Variants in GRIPAP1 observed in about 807,000 individuals in gnomAD.
GRIPAP1 encodes GRIP1 associated protein 1, also known as GRIP1-associated protein 1.
Under a neutral mutation model 84.1 loss-of-function variants are expected in GRIPAP1, and 14 were observed. The observed-to-expected ratio is 0.17, with a 90% confidence interval of 0.11 to 0.26. The LOEUF is 0.26. GRIPAP1 is among the 10% of genes least tolerant of loss of function. The pLI is 1.00. For synonymous variants in GRIPAP1, 261 were observed against 256.8 expected (o/e 1.02, Z -0.15); for missense variants, 518 against 674.2 (o/e 0.77, Z 2.57).
Position 48,999,318 on chromosome X carries a change from G to A in GRIPAP1, c.110-19C>T, listed in dbSNP as rs1316530199. The A allele has an allele frequency of 1.7e-6, 2 of 1,193,914 alleles. No individual in the cohort carries two copies. Among genetic ancestry groups the A allele is most frequent in the East Asian group, 5.9e-5 (2 of 33,780 alleles). On this transcript the variant is annotated intron_variant, in intron 2 of 25. Coordinates refer to ENST00000376423, the MANE Select transcript of GRIPAP1 (RefSeq NM_020137.5). ...GTGAGTTCTGGTGTCGGGAAAGCAG[G>A]GAAACTCAGCCTCAGCCAGTGGCAA...
intron 19 of GRIPAP1, 45 bp downstream of exon 19, chrX:48,981,551 G>A (rs1379818030): frequency 2.6e-6 from 3 of 1,161,947 alleles, no homozygotes; most frequent in African/African-American, 1.8e-5. Context: ...CCTCCTGTAC[G>A]CTGAGGATCA....
At position 48,979,319 on chromosome X, in the gene GRIPAP1, T is replaced by C. The variant is rs782735955; in HGVS notation, c.1931-884A>G. Among the ~76,000 whole-genome samples the C allele has an allele frequency of 2.7e-3, 288 of 104,973 alleles. 2 individuals carry two copies. The highest frequency in any genetic ancestry group is 6.7e-3 in the South Asian group (15 of 2,230). 91.2% of individuals were successfully genotyped at this position (104,973 alleles called of 115,157 possible). ...GGTGAAACCCCGTCTCTACTAAAAA[T>C]ACAAAAAATTAGGTGGGCGTGGTGG... On this transcript the variant is annotated intron_variant, in intron 21 of 25. Coordinates refer to ENST00000376423, the MANE Select transcript of GRIPAP1 (RefSeq NM_020137.5).
At chrX:48,985,247 G>A in intron 14 of GRIPAP1, 21 bp downstream of exon 14, 1 of 1,199,115 alleles carries the variant, frequency 8.3e-7, no homozygotes, top group South Asian at 1.8e-5. Flanking sequence ...GGAAGAGACA[G>A]GCCAGAGCCA....
intron 3 of GRIPAP1, among the ~76,000 whole-genome samples, chrX:48,998,464 G>A (rs2064559538): frequency 8.9e-6 from 1 of 111,806 alleles, no homozygotes; most frequent in African/African-American, 3.2e-5. Flanking sequence ...GACAGGGGAG[G>A]TAGGGAGATG....
chrX:48,982,385 T>A (rs782187183), intron 17 of GRIPAP1, among the ~76,000 whole-genome samples: 1 of 112,117 alleles, frequency 8.9e-6, no homozygotes, highest in African/African-American at 3.2e-5. Context: ...GCAACAAAGG[T>A]TCTTTTTCCG....
At chrX:48,988,884 A>G (rs1319214378) in intron 11 of GRIPAP1, among the ~76,000 whole-genome samples, 1 of 110,596 alleles carries the variant, frequency 9.0e-6, no homozygotes, top group African/African-American at 3.3e-5. Flanking sequence ...CAGAACCACA[A>G]GCCACCATAT....
Position 48,989,658 on chromosome X carries a change from A to G in GRIPAP1, c.823T>C (p.Leu275=), listed in dbSNP as rs782197996. The G allele has an allele frequency of 3.3e-6, 4 of 1,208,154 alleles. No homozygotes were observed. The highest frequency in any genetic ancestry group is 4.5e-6 in the Non-Finnish European group (4 of 892,207). Residue 275 remains leucine, a synonymous_variant, in exon 11 of 26, where the codon TTG becomes CTG. Transcript: ENST00000376423. ...QRKEADHKAQ[L]ARTQKLQQEL... ...TGCTGCAGCTTCTGGGTTCGAGCCAACTGGGCTTTGTGATCAGCTTCCTTC... is the reference window on the plus strand; with the variant it reads ...TGCTGCAGCTTCTGGGTTCGAGCCAGCTGGGCTTTGTGATCAGCTTCCTTC...
Position 48,993,423 on chromosome X carries a change from T to C in GRIPAP1, c.457+5A>G. Reference sequence around the variant, plus strand: ...CTCCGCATCCCCAGGAGGGCCTCTATGCACCTGCCACGTTCTTCTGCAAGG... The same window carrying C: ...CTCCGCATCCCCAGGAGGGCCTCTACGCACCTGCCACGTTCTTCTGCAAGG... On this transcript the variant is annotated splice_donor_5th_base_variant and intron_variant, in intron 6 of 25. Transcript: ENST00000376423. 8.8e-7 allele frequency: 1 copy of C among 1,136,736 alleles called. No homozygotes were observed. Among genetic ancestry groups the C allele is most frequent in the Non-Finnish European group, 1.2e-6 (1 of 858,105 alleles). 93.7% of individuals were successfully genotyped at this position (1,136,736 alleles called of 1,213,427 possible).
intron 6 of GRIPAP1, among the ~76,000 whole-genome samples, chrX:48,992,750 C>A (rs781961721): frequency 8.9e-6 from 1 of 112,127 alleles, no homozygotes; most frequent in African/African-American, 3.2e-5. Flanking sequence ...TTTCAGCTTT[C>A]ATCCCAGACC....
chrX:48,975,018 G>A (rs1039591641), intron 25 of GRIPAP1, 137 bp downstream of exon 25: 14 of 474,311 alleles, frequency 3.0e-5, no homozygotes, highest in Non-Finnish European at 3.5e-5. Flanking sequence ...TGGAGTAGTT[G>A]ATGAGTGGGT....
intron 21 of GRIPAP1, among the ~76,000 whole-genome samples, chrX:48,978,895 C>CAA (rs57629559): frequency 3.9e-4 from 28 of 71,386 alleles, no homozygotes; most frequent in African/African-American, 1.5e-3. Flanking sequence ...ACTCTTGTCT[C>CAA]AAAAAAAAAA....
At chrX:48,999,667 C>A (rs1392063561) in intron 1 of GRIPAP1, among the ~76,000 whole-genome samples, 163 bp from the exon 2 acceptor site, 3 of 110,857 alleles carry the variant, frequency 2.7e-5, no homozygotes, top group African/African-American at 6.6e-5. Context: ...ACCTTCCAGG[C>A]CCTCAGACCC....
chrX:48,989,560 C>A (rs1557064839), intron 11 of GRIPAP1, 51 bp downstream of exon 11: 3 of 817,938 alleles, frequency 3.7e-6, no homozygotes, highest in Admixed American at 2.3e-5. Context: ...CCTCTCCAGG[C>A]TCCCAGTCCT....
chrX:48,991,167 A>G, intron 6 of GRIPAP1, 57 bp from the exon 7 acceptor site: 1 of 865,082 alleles, frequency 1.2e-6, no homozygotes, highest in Non-Finnish European at 1.7e-6. Flanking sequence ...GTCCCTTGCC[A>G]TGCCTCGAAT....
chrX:48,984,576 G>A (rs1215970012), intron 14 of GRIPAP1, among the ~76,000 whole-genome samples: 6 of 108,183 alleles, frequency 5.5e-5, no homozygotes, highest in East Asian at 2.9e-4. Context: ...TTAGCTGGGC[G>A]TGGTGCCAGG....
At chrX:48,975,392 G>A (rs1202758555) in intron 24 of GRIPAP1, 83 bp from the exon 25 acceptor site, 2 of 948,429 alleles carry the variant, frequency 2.1e-6, no homozygotes, top group East Asian at 3.2e-5. Context: ...AGAGGGAGAC[G>A]AATACCAGGG....
chrX:48,977,803 T>G (rs1204321520), intron 22 of GRIPAP1: 1 of 110,717 alleles, frequency 9.0e-6, no homozygotes. Flanking sequence ...TCCCAAAGTG[T>G]AGGATTATAG....
At chrX:48,976,183 C>A (rs1410537357) in intron 23 of GRIPAP1, 58 bp downstream of exon 23, 2 of 1,186,237 alleles carry the variant, frequency 1.7e-6, no homozygotes, top group African/African-American at 3.5e-5. Flanking sequence ...CCCGGGCAGA[C>A]CCCACACCCA....
chrX:48,990,223 C>T (rs1212418794), intron 8 of GRIPAP1, among the ~76,000 whole-genome samples: 3 of 111,381 alleles, frequency 2.7e-5, no homozygotes, highest in Admixed American at 9.6e-5. Flanking sequence ...GGTTGCTCAG[C>T]GGGTCAGCAA....
Sources: allele counts gnomAD v4.1 joint callset (sites outside exome capture counted in the v4.1 genomes callset), GRCh38; gene constraint gnomAD v4.1.1; transcripts MANE v1.5; gene names NCBI Gene and HGNC (gene_info 2026-07-23, HGNC 2026-07-21).